The following NTM variants were observed in gnomAD, a reference collection of about 807,000 sequenced individuals.
NTM encodes IgLON family member 2.
A neutral mutation model predicts 42.1 loss-of-function variants in NTM; 13 were observed. The ratio of observed to expected loss-of-function variants is 0.31; its 90% confidence interval spans 0.20 to 0.49. NTM has a LOEUF of 0.49. Ranked by LOEUF, NTM falls within the 20% of genes least tolerant of loss-of-function variation. The pLI is 0.99. For synonymous variants in NTM, 187 were observed against 179.2 expected (o/e 1.04, Z -0.35); for missense variants, 373 against 452.8 (o/e 0.82, Z 1.60).
chr11:132,047,574 C>T (rs1473715579), intron 2 of NTM, among the ~76,000 whole-genome samples: 3 of 152,186 alleles, frequency 2.0e-5, no homozygotes, highest in African/African-American at 7.2e-5. Flanking sequence ...TCCTGGTCTG[C>T]GAGGCAGGGG....
At chr11:132,086,121 A>C (rs1566121235) in intron 2 of NTM, among the ~76,000 whole-genome samples, 1 of 152,038 alleles carries the variant, frequency 6.6e-6, no homozygotes, top group East Asian at 1.9e-4. Context: ...TCAGGAGATC[A>C]AGACCATCCT....
chr11:132,161,557 G>C (rs2074294919), intron 3 of NTM, among the ~76,000 whole-genome samples: 1 of 151,330 alleles, frequency 6.6e-6, no homozygotes, highest in Admixed American at 6.6e-5. Context: ...GTTGACCTTC[G>C]ATTCCGGGCA....
chr11:132,167,590 T>G (rs1330591621), intron 3 of NTM, among the ~76,000 whole-genome samples: 7 of 152,242 alleles, frequency 4.6e-5, no homozygotes, highest in African/African-American at 1.7e-4. Context: ...TGCCTGAGGC[T>G]TCTTATGTTA....
intron 1 of NTM, among the ~76,000 whole-genome samples, chr11:131,830,483 G>C (rs992336692): frequency 1.3e-5 from 2 of 152,146 alleles, no homozygotes; most frequent in Admixed American, 6.5e-5. Flanking sequence ...CTGTAGGTGT[G>C]TGGCTTTATT....
intron 1 of NTM, among the ~76,000 whole-genome samples, chr11:131,606,700 G>A (rs1426173985): frequency 6.6e-6 from 1 of 152,170 alleles, no homozygotes; most frequent in African/African-American, 2.4e-5. Flanking sequence ...GATATGTTGT[G>A]TTCAGTAGTC....
At chr11:131,912,381 T>C (rs756899476) in intron 2 of NTM, among the ~76,000 whole-genome samples, 11 of 152,160 alleles carry the variant, frequency 7.2e-5, no homozygotes, top group Non-Finnish European at 1.3e-4. Context: ...TGGGTCCTGA[T>C]TGGCTTCTGG....
chr11:132,176,948 C>T (rs554621251), intron 3 of NTM, among the ~76,000 whole-genome samples: 6 of 152,026 alleles, frequency 3.9e-5, no homozygotes, highest in Admixed American at 2.6e-4. Flanking sequence ...AGGCTGGTCT[C>T]GAACTCCTAA....
chr11:131,824,237 T>C (rs764800846), intron 1 of NTM, among the ~76,000 whole-genome samples: 1 of 152,128 alleles, frequency 6.6e-6, no homozygotes, highest in East Asian at 1.9e-4. Flanking sequence ...TAGGGGAGAA[T>C]AATTCAAGCC....
At chr11:131,789,168 C>T (rs2089765510) in intron 1 of NTM, among the ~76,000 whole-genome samples, 2 of 151,890 alleles carry the variant, frequency 1.3e-5, no homozygotes, top group South Asian at 4.2e-4. Flanking sequence ...TTTCTTCTAG[C>T]TTCCTGTGTT....
chr11:132,109,727 T>A (rs1359474215), intron 2 of NTM, among the ~76,000 whole-genome samples: 1 of 152,116 alleles, frequency 6.6e-6, no homozygotes, highest in African/African-American at 2.4e-5. Context: ...TTCTCCTCTC[T>A]CAGCACACTG....
chr11:131,650,628 A>T (rs1037226270), intron 1 of NTM, among the ~76,000 whole-genome samples: 9 of 152,208 alleles, frequency 5.9e-5, no homozygotes, highest in African/African-American at 1.9e-4. Context: ...ATAAACAGCC[A>T]TCATCATCAT....
At chr11:131,469,451 C>T (rs1453494749) in intron 1 of NTM, among the ~76,000 whole-genome samples, 1 of 152,206 alleles carries the variant, frequency 6.6e-6, no homozygotes, top group Non-Finnish European at 1.5e-5. Flanking sequence ...TGCCCAAGGT[C>T]ATTCCCAGGA....
At chr11:131,825,270 A>T (rs995343030) in intron 1 of NTM, among the ~76,000 whole-genome samples, 46 of 152,092 alleles carry the variant, frequency 3.0e-4, no homozygotes, top group African/African-American at 1.1e-3. Context: ...GCCCCAGCCA[A>T]TTCCAACATG....
intron 1 of NTM, among the ~76,000 whole-genome samples, chr11:131,409,351 A>C (rs756540189): frequency 6.6e-6 from 1 of 152,172 alleles, no homozygotes; most frequent in Admixed American, 6.5e-5. Flanking sequence ...CTGGGCTACA[A>C]AGAGGTGTTG....
intron 1 of NTM, among the ~76,000 whole-genome samples, chr11:131,710,377 CCAA>C (rs2076999477): frequency 6.6e-6 from 1 of 152,180 alleles, no homozygotes; most frequent in African/African-American, 2.4e-5. Context: ...TCCGTCCCCA[CCAA>C]CAAAAGCCTC....
At chr11:132,122,040 A>G (rs969086148) in intron 2 of NTM, among the ~76,000 whole-genome samples, 1 of 152,310 alleles carries the variant, frequency 6.6e-6, no homozygotes, top group African/African-American at 2.4e-5. Context: ...CTGAAAGGGG[A>G]GCACCTAAAC....
At chr11:131,772,087 T>C (rs1198787251) in intron 1 of NTM, among the ~76,000 whole-genome samples, 1 of 152,202 alleles carries the variant, frequency 6.6e-6, no homozygotes, top group African/African-American at 2.4e-5. Context: ...TCTACTATAT[T>C]TTGAGCTCAT....
intron 1 of NTM, among the ~76,000 whole-genome samples, chr11:131,655,582 T>A (rs2067076148): frequency 6.6e-6 from 1 of 152,180 alleles, no homozygotes; most frequent in Admixed American, 6.5e-5. Flanking sequence ...TATGGGAGGC[T>A]GTGGGCTTGG....
chr11:131,972,160 C>G (rs1047332404), intron 2 of NTM, among the ~76,000 whole-genome samples: 4 of 151,896 alleles, frequency 2.6e-5, no homozygotes, highest in Non-Finnish European at 5.9e-5. Context: ...TTGCAATGAG[C>G]TGTGATTGCA....
Sources: gnomAD v4.1 joint callset for allele counts (sites outside exome capture counted in the v4.1 genomes callset) on GRCh38, gnomAD v4.1.1 for gene constraint, MANE v1.5 for transcripts, NCBI Gene and HGNC (gene_info 2026-07-23, HGNC 2026-07-21) for gene names.